Variants in SLC35F1 observed in about 807,000 individuals in gnomAD.
SLC35F1 encodes the protein chromosome 6 open reading frame 169.
SLC35F1 carries 14 observed loss-of-function variants against 48.7 expected under a neutral mutation model. The ratio of observed to expected loss-of-function variants is 0.29; its 90% CI spans 0.19 to 0.45. SLC35F1 has a LOEUF of 0.45. Among genes scored for constraint, SLC35F1 ranks in the 20% least tolerant of loss-of-function variants. SLC35F1 has a pLI of 1.00. For synonymous variants in SLC35F1, 190 were observed against 202.2 expected, an observed-to-expected ratio of 0.94 and a Z score of 0.51; for missense variants, 404 against 500.0, an observed-to-expected ratio of 0.81 and a Z score of 1.83.
chr6:118,226,682 C>G (rs1775223190), intron 2 of SLC35F1, among the ~76,000 whole-genome samples: 1 of 152,108 alleles, frequency 6.6e-6, no homozygotes. Flanking sequence ...AGAGAGTAGA[C>G]TCGTGGTTAC....
In SLC35F1 at chr6:118,285,351, A is replaced by G; in HGVS notation, c.1002+13A>G. The G allele has an allele frequency of 1.9e-6, 3 of 1,613,622 alleles. No individual in the cohort carries two copies. The highest frequency in any genetic ancestry group is 2.5e-6 in the Non-Finnish European group (3 of 1,179,616). ...CTTCCACTACAAGGTAAGTTGAGTG[A>G]GTGCTCCTTTGTGAAGATGATACTT... On this transcript the variant is annotated intron_variant, in intron 7 of 7. Coordinates refer to ENST00000360388, the MANE Select transcript of SLC35F1 (RefSeq NM_001029858.4).
Position 118,267,166 on chromosome 6 carries a change from G to A in SLC35F1, c.637+12G>A, listed in dbSNP as rs369925894. On this transcript the variant is annotated intron_variant, in intron 4 of 7. Transcript: ENST00000360388. ...ACATCAGGGAGCAGGTGAGTCTTCG[G>A]ATGTTCACCAGGTTCCTTACCTCTG... 9 of 1,613,616 alleles carry A rather than the reference G, an allele frequency of 5.6e-6. No homozygotes were observed. In the African/African-American group the frequency reaches 1.2e-4, roughly 22 times the overall value.
intron 1 of SLC35F1, among the ~76,000 whole-genome samples, chr6:118,075,446 G>T (rs960985319): frequency 1.3e-5 from 2 of 152,128 alleles, no homozygotes; most frequent in Non-Finnish European, 2.9e-5. Context: ...TATCCAGATT[G>T]TTTTCTTCCA....
chr6:117,969,718 A>G (rs1186732731), intron 1 of SLC35F1, among the ~76,000 whole-genome samples: 1 of 25,454 alleles, frequency 3.9e-5, no homozygotes, highest in Non-Finnish European at 7.9e-5. Flanking sequence ...CTGTTTCTTA[A>G]AAAAAAAATC....
At chr6:118,298,029 T>C (rs1189953640) in intron 7 of SLC35F1, among the ~76,000 whole-genome samples, 1 of 152,002 alleles carries the variant, frequency 6.6e-6, no homozygotes, top group East Asian at 1.9e-4. Flanking sequence ...GCTCTCTTGC[T>C]CCCTCTCTCA....
chr6:117,937,519 A>G (rs966229603), intron 1 of SLC35F1, among the ~76,000 whole-genome samples: 5 of 152,214 alleles, frequency 3.3e-5, no homozygotes, highest in Admixed American at 6.5e-5. Context: ...CACTTATTTA[A>G]GGAAAAGAGT....
At position 118,065,975 on chromosome 6, in the gene SLC35F1, C is replaced by A. The variant is rs116573270; in HGVS notation, c.174-88470C>A. ...ATTATATCTTATAGACAAGTGGCTACCAAAACATCATTCTTAGGACATATG... is the reference window on the plus strand; with the variant it reads ...ATTATATCTTATAGACAAGTGGCTAACAAAACATCATTCTTAGGACATATG... On this transcript the variant is annotated intron_variant, in intron 1 of 7. Coordinates refer to ENST00000360388, the MANE Select transcript of SLC35F1 (RefSeq NM_001029858.4). 1.3e-3 allele frequency among the ~76,000 whole-genome samples: 194 copies of A among 152,132 alleles called. 1 individual carries two copies. The highest frequency in any genetic ancestry group is 4.5e-3 in the African/African-American group (188 of 41,510).
intron 1 of SLC35F1, among the ~76,000 whole-genome samples, chr6:117,982,928 C>T (rs984838088): frequency 1.6e-4 from 24 of 152,122 alleles, no homozygotes; most frequent in Non-Finnish European, 2.9e-4. Context: ...CCAGGAGACT[C>T]TCTACAAATA....
intron 1 of SLC35F1, among the ~76,000 whole-genome samples, chr6:117,932,079 C>G (rs780993099): frequency 5.3e-5 from 8 of 152,090 alleles, no homozygotes; most frequent in Non-Finnish European, 1.2e-4. Flanking sequence ...GCTGCTTGGT[C>G]CTTCCATATC....
In SLC35F1 at chr6:118,105,275, G is replaced by A. The variant is rs115751190; in HGVS notation, c.174-49170G>A. Among the ~76,000 whole-genome samples the A allele has an allele frequency of 8.0e-3, 1,224 of 152,150 alleles. 15 individuals are homozygous for A. Among genetic ancestry groups the A allele is most frequent in the African/African-American group, 0.028 (1,151 of 41,496 alleles). ...GTAATTGGTTCACAAGCCTCATCTCGATCTTAAGTAAAGTTATAATGGATG... is the reference window on the plus strand; with the variant it reads ...GTAATTGGTTCACAAGCCTCATCTCAATCTTAAGTAAAGTTATAATGGATG... On this transcript the variant is annotated intron_variant, in intron 1 of 7. Coordinates refer to ENST00000360388, the MANE Select transcript of SLC35F1 (RefSeq NM_001029858.4).
At chr6:117,958,333 A>T (rs1776453111) in intron 1 of SLC35F1, among the ~76,000 whole-genome samples, 1 of 152,206 alleles carries the variant, frequency 6.6e-6, no homozygotes, top group Non-Finnish European at 1.5e-5. Context: ...TATTGAAAAA[A>T]GGAAAATTTT....
chr6:118,072,956 C>A (rs568461318), intron 1 of SLC35F1, among the ~76,000 whole-genome samples: 12 of 152,250 alleles, frequency 7.9e-5, no homozygotes, highest in Middle Eastern at 3.4e-3. Context: ...GGTTCCACAT[C>A]TTCTGTATTC....
At chr6:118,086,035 TC>T (rs1184267905) in intron 1 of SLC35F1, among the ~76,000 whole-genome samples, 1 of 152,086 alleles carries the variant, frequency 6.6e-6, no homozygotes, top group African/African-American at 2.4e-5. Context: ...CTCCAACACT[TC>T]CTACAGGTAG....
intron 2 of SLC35F1, among the ~76,000 whole-genome samples, chr6:118,221,146 C>T (rs148773281): frequency 1.1e-3 from 170 of 152,214 alleles, no homozygotes; most frequent in Non-Finnish European, 2.0e-3. Context: ...GACAGCACTA[C>T]CATGCCTTGA....
intron 2 of SLC35F1, among the ~76,000 whole-genome samples, chr6:118,222,370 G>T: frequency 6.6e-6 from 1 of 151,094 alleles, no homozygotes; most frequent in African/African-American, 2.4e-5. Flanking sequence ...ATTGGTAGTT[G>T]AGTACAAAGA....
chr6:118,014,812 C>T lies in SLC35F1; in HGVS notation c.173+106913C>T, dbSNP rs150833335. Among the ~76,000 whole-genome samples the T allele has an allele frequency of 7.2e-4, 109 of 152,238 alleles. 1 individual carries two copies. The East Asian group carries it at 0.015, about 21-fold the overall frequency. On this transcript the variant is annotated intron_variant, in intron 1 of 7. Transcript: ENST00000360388. ...CAATAAAAACAGACTAAGAACAAGC[C>T]GGAGGACATCCTCAGTGCATTAGGC...
At chr6:118,119,175 G>A (rs945457900) in intron 1 of SLC35F1, among the ~76,000 whole-genome samples, 8 of 152,034 alleles carry the variant, frequency 5.3e-5, no homozygotes, top group African/African-American at 1.9e-4. Context: ...TGGAGCATAA[G>A]TATTCTGCTT....
intron 1 of SLC35F1, among the ~76,000 whole-genome samples, chr6:117,920,508 CCAAA>C (rs1655816507): frequency 6.6e-6 from 1 of 152,180 alleles, no homozygotes; most frequent in African/African-American, 2.4e-5. Flanking sequence ...TCACAACCAA[CCAAA>C]CAAAAATGAC....
intron 3 of SLC35F1, among the ~76,000 whole-genome samples, chr6:118,241,654 C>A (rs1775442656): frequency 6.6e-6 from 1 of 151,630 alleles, no homozygotes. Flanking sequence ...ATTCATGTAA[C>A]CACCACTACA....
Sources: gnomAD v4.1 joint callset for allele counts (sites outside exome capture counted in the v4.1 genomes callset) on GRCh38, gnomAD v4.1.1 for gene constraint, MANE v1.5 for transcripts, NCBI Gene and HGNC (gene_info 2026-07-23, HGNC 2026-07-21) for gene names.